EIF4G3: variants seen among roughly 807,000 people sequenced by gnomAD.
The protein encoded by EIF4G3 is eIF-4-gamma 3.
EIF4G3 carries 34 observed loss-of-function variants against 186.4 expected under a neutral mutation model. That is an observed-to-expected ratio of 0.18 (90% CI 0.14 to 0.24). The LOEUF (loss-of-function observed/expected upper bound fraction) is 0.24. Ranked by LOEUF, EIF4G3 falls within the 10% of genes least tolerant of loss-of-function variation. The pLI is 1.00. For synonymous variants in EIF4G3, 673 were observed against 679.5 expected, an observed-to-expected ratio of 0.99 and a Z score of 0.15; for missense variants, 1,536 against 1,948.5, an observed-to-expected ratio of 0.79 and a Z score of 3.99.
chr1:20,935,571 A>G (rs1269431459), intron 14 of EIF4G3, among the ~76,000 whole-genome samples: 3 of 152,220 alleles, frequency 2.0e-5, no homozygotes, highest in Non-Finnish European at 4.4e-5. Context: ...TTTTAAGGAT[A>G]CATAATAGTC....
At chr1:21,041,861 C>G (rs1271479079) in intron 4 of EIF4G3, among the ~76,000 whole-genome samples, 1 of 152,062 alleles carries the variant, frequency 6.6e-6, no homozygotes, top group African/African-American at 2.4e-5. Flanking sequence ...GGAAATCAGA[C>G]TTAGCCCTTC....
chr1:21,146,279 C>A (rs2097439702), intron 2 of EIF4G3, among the ~76,000 whole-genome samples: 1 of 151,950 alleles, frequency 6.6e-6, no homozygotes, highest in African/African-American at 2.4e-5. Context: ...TCGCTTGAGC[C>A]CATGAGGTTG....
chr1:20,826,484 T>TC (rs2063680661), intron 32 of EIF4G3, among the ~76,000 whole-genome samples: 1 of 121,364 alleles, frequency 8.2e-6, no homozygotes. Flanking sequence ...AGTCTTTCTT[T>TC]TTTTTTTTTT....
chr1:21,157,159 G>A (rs1188992392), intron 2 of EIF4G3, among the ~76,000 whole-genome samples: 1 of 152,062 alleles, frequency 6.6e-6, no homozygotes, highest in Admixed American at 6.6e-5. Context: ...TATCCCAGTG[G>A]ATCTTCGGAC....
At chr1:20,969,120 C>T (rs1421956988) in intron 12 of EIF4G3, among the ~76,000 whole-genome samples, 1 of 152,164 alleles carries the variant, frequency 6.6e-6, no homozygotes, top group Non-Finnish European at 1.5e-5. Flanking sequence ...ACAAAAGGTG[C>T]AGCACTTAAA....
intron 4 of EIF4G3, among the ~76,000 whole-genome samples, chr1:21,016,134 C>T (rs924593920): frequency 1.3e-5 from 2 of 152,140 alleles, no homozygotes; most frequent in African/African-American, 2.4e-5. Flanking sequence ...CGATTTGTGA[C>T]ATCAATAACA....
chr1:21,164,555 T>C (rs1423381723), intron 2 of EIF4G3, among the ~76,000 whole-genome samples: 1 of 152,058 alleles, frequency 6.6e-6, no homozygotes, highest in Non-Finnish European at 1.5e-5. Context: ...AGTGAGACTC[T>C]GTCTCTACCG....
chr1:20,843,762 C>G (rs991381708), intron 29 of EIF4G3, among the ~76,000 whole-genome samples: 1 of 152,118 alleles, frequency 6.6e-6, no homozygotes, highest in Non-Finnish European at 1.5e-5. Flanking sequence ...GATACTAAGC[C>G]TAGTATCCAT....
chr1:21,056,397 A>ATT (rs1424755711), intron 3 of EIF4G3, among the ~76,000 whole-genome samples: 7 of 152,324 alleles, frequency 4.6e-5, no homozygotes, highest in Admixed American at 2.6e-4. Flanking sequence ...CATATGTCAC[A>ATT]CTGCATTAGG....
rs145917164 is a variant in EIF4G3, at chr1:20,840,810, C to T, written c.4061+46G>A. 13,325 of 1,564,698 alleles carry T rather than the reference C, an allele frequency of 8.5e-3. 60 individuals are homozygous for T. Among genetic ancestry groups the T allele is most frequent in the Non-Finnish European group, 0.011 (12,080 of 1,143,876 alleles). ...TAAGTACTTTGAAAATTAACTGGTA[C>T]CCAAGAGCCTAGTAACTGAATACCA... On this transcript the variant is annotated intron_variant, in intron 30 of 36. Transcript: ENST00000602326.
chr1:20,918,247 T>C (rs1434525099), intron 14 of EIF4G3, among the ~76,000 whole-genome samples: 1 of 152,188 alleles, frequency 6.6e-6, no homozygotes, highest in Non-Finnish European at 1.5e-5. Flanking sequence ...TATCTCTCTG[T>C]GGCTCAGGCT....
chr1:21,068,711 A>G (rs917720646), intron 3 of EIF4G3, among the ~76,000 whole-genome samples: 1 of 152,198 alleles, frequency 6.6e-6, no homozygotes, highest in Non-Finnish European at 1.5e-5. Flanking sequence ...AGTTGTCATA[A>G]GGATTGAGTT....
In EIF4G3 at chr1:21,044,648, TG is replaced by T. The variant is rs1265813646; in HGVS notation, c.-67+6217del. 1.0e-3 allele frequency among the ~76,000 whole-genome samples: 136 copies of T among 131,070 alleles called. 1 individual carries two copies. Among genetic ancestry groups the T allele is most frequent in the African/African-American group, 3.4e-3 (128 of 37,160 alleles). 86.0% of individuals were successfully genotyped at this position (131,070 alleles called of 152,430 possible). A position where few individuals can be genotyped will look rare whatever the true frequency, so the allele number is the denominator to read the frequency against. ...ATTAAACTTCATTCGTTTTTTTTTTTGTTTTTTTTTTTCCTTTGAGACAGGG... is the reference window on the plus strand; with the variant it reads ...ATTAAACTTCATTCGTTTTTTTTTTTTTTTTTTTTTTCCTTTGAGACAGGG... On this transcript the variant is annotated intron_variant, in intron 4 of 36. Transcript: ENST00000602326.
chr1:21,174,955 T>C (rs776148131), intron 2 of EIF4G3, among the ~76,000 whole-genome samples: 31 of 152,230 alleles, frequency 2.0e-4, no homozygotes, highest in South Asian at 6.2e-4. Context: ...AGAAGGGAGA[T>C]TGCTTTCCCT....
In EIF4G3 at chr1:21,018,382, C is replaced by G. The variant is rs575163986; in HGVS notation, c.-66-15574G>C. Among the ~76,000 whole-genome samples, 26 of 152,114 alleles carry G rather than the reference C, an allele frequency of 1.7e-4. No homozygotes were observed. In the East Asian group the frequency reaches 4.6e-3, roughly 27 times the overall value. The stretch of plus-strand genomic sequence containing the variant: ...GGATCACAAGGTCAGTAGTTCAAGA[C>G]CAGCCTGGCCAACACAGTCTCTACT... On this transcript the variant is annotated intron_variant, in intron 4 of 36. Transcript: ENST00000602326.
intron 3 of EIF4G3, among the ~76,000 whole-genome samples, chr1:21,056,870 G>A (rs1214711682): frequency 1.3e-5 from 2 of 152,306 alleles, no homozygotes; most frequent in Middle Eastern, 6.8e-3. Context: ...TAAACAGACT[G>A]TTGTCTTTTC....
chr1:20,870,336 ATGCT>A (rs2078855749), intron 20 of EIF4G3, among the ~76,000 whole-genome samples: 1 of 152,210 alleles, frequency 6.6e-6, no homozygotes, highest in African/African-American at 2.4e-5. Flanking sequence ...AGTATACAGA[ATGCT>A]TAAAAATCTG....
chr1:20,897,520 T>TA (rs58882539), intron 16 of EIF4G3, among the ~76,000 whole-genome samples: 50,045 of 151,028 alleles, frequency 0.33, 8,880 homozygotes, highest in Non-Finnish European at 0.4. Flanking sequence ...TAATTTCATC[T>TA]AAAAAAAAAT....
At chr1:21,118,456 C>G (rs1486828897) in intron 2 of EIF4G3, among the ~76,000 whole-genome samples, 1 of 152,092 alleles carries the variant, frequency 6.6e-6, no homozygotes, top group Non-Finnish European at 1.5e-5. Flanking sequence ...AGGTTCCAAA[C>G]AAAGAAAAGG....
Sources: gnomAD v4.1 joint callset for allele counts (sites outside exome capture counted in the v4.1 genomes callset) on GRCh38, gnomAD v4.1.1 for gene constraint, MANE v1.5 for transcripts, NCBI Gene and HGNC (gene_info 2026-07-23, HGNC 2026-07-21) for gene names.